Variants in ENTREP2 observed in about 807,000 individuals in gnomAD.
ENTREP2 encodes the protein endosomal transmembrane epsin interactor 2, also known as protein ENTREP2.
At chr15:29,155,548 A>G in the ENTREP2 span, among the ~76,000 whole-genome samples, 1 of 151,906 alleles carries the variant, frequency 6.6e-6, no homozygotes, top group Non-Finnish European at 1.5e-5. Context: ...GAAGACCCCC[A>G]TGTTTCTCTC....
At chr15:29,160,192 C>T in the ENTREP2 span, among the ~76,000 whole-genome samples, 1 of 152,220 alleles carries the variant, frequency 6.6e-6, no homozygotes, top group South Asian at 2.1e-4. Flanking sequence ...GCGGAGCCCA[C>T]GCCCACTTGG....
chr15:29,601,674 A>G, the ENTREP2 span, among the ~76,000 whole-genome samples: 1 of 152,028 alleles, frequency 6.6e-6, no homozygotes, highest in African/African-American at 2.4e-5. Flanking sequence ...TTTCACTTCC[A>G]TCTTTAACAC....
At chr15:29,415,865 C>CACAG in the ENTREP2 span, among the ~76,000 whole-genome samples, 1 of 151,830 alleles carries the variant, frequency 6.6e-6, no homozygotes, top group African/African-American at 2.4e-5. Context: ...AACAGACAGA[C>CACAG]AGCCAAATCA....
At chr15:29,246,531 C>CA in the ENTREP2 span, among the ~76,000 whole-genome samples, 9 of 151,652 alleles carry the variant, frequency 5.9e-5, no homozygotes, top group Non-Finnish European at 1.3e-4. Context: ...TCCATCTCTA[C>CA]AAAAAAATAC....
the ENTREP2 span, among the ~76,000 whole-genome samples, chr15:29,577,546 G>C: frequency 2.6e-5 from 4 of 152,054 alleles, no homozygotes; most frequent in African/African-American, 9.7e-5. Context: ...TAGAGATGGG[G>C]TTTTGCCGTG....
chr15:29,654,140 A>G, the ENTREP2 span, among the ~76,000 whole-genome samples: 1 of 152,208 alleles, frequency 6.6e-6, no homozygotes, highest in Non-Finnish European at 1.5e-5. Context: ...ATCTTGTCCA[A>G]AGTTTGAACT....
At chr15:29,427,810 G>A in the ENTREP2 span, among the ~76,000 whole-genome samples, 25 of 152,248 alleles carry the variant, frequency 1.6e-4, no homozygotes, top group African/African-American at 6.0e-4. Context: ...CATCAGTGGG[G>A]TTGGGGGTAC....
At chr15:29,358,311 T>G in the ENTREP2 span, among the ~76,000 whole-genome samples, 1 of 152,042 alleles carries the variant, frequency 6.6e-6, no homozygotes, top group African/African-American at 2.4e-5. Context: ...TCATGGTGAA[T>G]GAAAAAAAGC....
At chr15:29,373,114 C>G in the ENTREP2 span, among the ~76,000 whole-genome samples, 2 of 151,462 alleles carry the variant, frequency 1.3e-5, no homozygotes, top group Non-Finnish European at 2.9e-5. Context: ...ACAAGACAAA[C>G]TGGGATAAAA....
At chr15:29,315,230 G>C in the ENTREP2 span, among the ~76,000 whole-genome samples, 3 of 151,986 alleles carry the variant, frequency 2.0e-5, no homozygotes, top group Non-Finnish European at 2.9e-5. Context: ...CTAGAAGCTA[G>C]GCAAACTGAT....
the ENTREP2 span, among the ~76,000 whole-genome samples, chr15:29,581,943 T>A: frequency 7.5e-3 from 100 of 13,368 alleles, no homozygotes; most frequent in African/African-American, 0.017. Context: ...AATATGCTGG[T>A]TTTTTTTTTT....
At chr15:29,554,085 C>G in the ENTREP2 span, among the ~76,000 whole-genome samples, 2 of 152,064 alleles carry the variant, frequency 1.3e-5, no homozygotes, top group South Asian at 4.2e-4. Flanking sequence ...GAGACCGAGG[C>G]GGGCAGATCA....
the ENTREP2 span, among the ~76,000 whole-genome samples, chr15:29,560,566 C>T: frequency 2.6e-5 from 4 of 152,054 alleles, no homozygotes; most frequent in African/African-American, 9.7e-5. Flanking sequence ...ACTGCACAGT[C>T]ATCATTCCCA....
chr15:29,582,884 TCATGACCCGCCC>T, the ENTREP2 span, among the ~76,000 whole-genome samples: 2 of 152,092 alleles, frequency 1.3e-5, no homozygotes, highest in Non-Finnish European at 2.9e-5. Context: ...ACTCCTGACC[TCATGACCCGCCC>T]CATTGGCCTC....
At chr15:29,366,524 C>T in the ENTREP2 span, among the ~76,000 whole-genome samples, 1 of 152,174 alleles carries the variant, frequency 6.6e-6, no homozygotes. Flanking sequence ...GAAGCACCAC[C>T]GCAATTAAAC....
chr15:29,578,374 G>A, the ENTREP2 span, among the ~76,000 whole-genome samples: 1 of 152,192 alleles, frequency 6.6e-6, no homozygotes, highest in Non-Finnish European at 1.5e-5. Context: ...GTGCACCAGT[G>A]TCCTGGAGCA....
the ENTREP2 span, among the ~76,000 whole-genome samples, chr15:29,351,637 A>C: frequency 6.6e-6 from 1 of 151,984 alleles, no homozygotes; most frequent in African/African-American, 2.4e-5. Context: ...TTTCATATGA[A>C]ATTTATTTAT....
the ENTREP2 span, among the ~76,000 whole-genome samples, chr15:29,441,955 T>C: frequency 6.6e-6 from 1 of 152,142 alleles, no homozygotes; most frequent in Non-Finnish European, 1.5e-5. Context: ...CCACCCAACA[T>C]TTCCCATGAG....
the ENTREP2 span, chr15:29,121,010 G>A: frequency 6.6e-6 from 1 of 152,348 alleles, no homozygotes; most frequent in East Asian, 1.9e-4. Context: ...TGAGCAGCGG[G>A]GCTGATGGGG....
Sources: gnomAD v4.1 joint callset for allele counts (sites outside exome capture counted in the v4.1 genomes callset) on GRCh38, gnomAD v4.1.1 for gene constraint, MANE v1.5 for transcripts, NCBI Gene and HGNC (gene_info 2026-07-23, HGNC 2026-07-21) for gene names.